FBXW11: variants seen among roughly 807,000 people sequenced by gnomAD.
FBXW11 encodes the protein F-box/WD repeat-containing protein 11.
A neutral mutation model predicts 77.6 loss-of-function variants in FBXW11; 19 were observed. That is an observed-to-expected ratio of 0.24 (90% confidence interval 0.17 to 0.36). The LOEUF (loss-of-function observed/expected upper bound fraction) is 0.36. Among genes scored for constraint, FBXW11 ranks in the 10% least tolerant of loss-of-function variants. The pLI is 1.00. For synonymous variants in FBXW11, 235 were observed against 249.4 expected, an observed-to-expected ratio of 0.94 and a Z score of 0.54; for missense variants, 334 against 704.2, an observed-to-expected ratio of 0.47 and a Z score of 5.95.
intron 1 of FBXW11, among the ~76,000 whole-genome samples, chr5:172,000,727 C>A (rs1009627553): frequency 2.6e-5 from 4 of 152,212 alleles, no homozygotes; most frequent in Non-Finnish European, 5.9e-5. Flanking sequence ...ATCCTCCCAA[C>A]AACTCAGACC....
intron 13 of FBXW11, among the ~76,000 whole-genome samples, chr5:171,866,208 T>TG (rs1757380607): frequency 6.7e-6 from 1 of 150,238 alleles, no homozygotes; most frequent in Admixed American, 6.7e-5. Context: ...GAGGTTGCAG[T>TG]GAGCCAAAAT....
intron 1 of FBXW11, among the ~76,000 whole-genome samples, chr5:172,002,414 ATGTGTGTGTG>A (rs55720474): frequency 3.5e-5 from 5 of 143,980 alleles, no homozygotes; most frequent in Admixed American, 2.8e-4. Context: ...TTTTATATAA[ATGTGTGTGTG>A]TGTGTGTGTG....
chr5:171,926,155 T>A (rs1761877580), intron 2 of FBXW11, among the ~76,000 whole-genome samples: 1 of 152,172 alleles, frequency 6.6e-6, no homozygotes, highest in South Asian at 2.1e-4. Flanking sequence ...ATTTTGAAGT[T>A]AAACTTTAAA....
chr5:171,897,195 A>C (rs1306936325), intron 6 of FBXW11, among the ~76,000 whole-genome samples: 2 of 152,236 alleles, frequency 1.3e-5, no homozygotes, highest in Non-Finnish European at 2.9e-5. Flanking sequence ...GTTAAAAGAG[A>C]AAATGCATTA....
intron 1 of FBXW11, among the ~76,000 whole-genome samples, chr5:171,980,170 T>C (rs536309415): frequency 6.6e-6 from 1 of 152,332 alleles, no homozygotes; most frequent in East Asian, 1.9e-4. Flanking sequence ...CTAGCAGATA[T>C]TTAAGAATGA....
chr5:171,893,394 T>C (rs552105983), intron 6 of FBXW11, among the ~76,000 whole-genome samples: 3 of 64,386 alleles, frequency 4.7e-5, no homozygotes, highest in Non-Finnish European at 5.8e-5. Flanking sequence ...GGTAAAATAT[T>C]AGACATACAA....
chr5:171,950,792 C>T (rs1339093156), intron 2 of FBXW11, among the ~76,000 whole-genome samples: 1 of 152,112 alleles, frequency 6.6e-6, no homozygotes, highest in African/African-American at 2.4e-5. Context: ...GAGGCTGAGG[C>T]AGGAGGATCA....
chr5:171,986,359 C>T (rs968134484), intron 1 of FBXW11, among the ~76,000 whole-genome samples: 1 of 151,944 alleles, frequency 6.6e-6, no homozygotes, highest in African/African-American at 2.4e-5. Context: ...AGTGAGATCA[C>T]ACCATTGTAC....
chr5:171,989,331 GAA>G (rs1765612600), intron 1 of FBXW11, among the ~76,000 whole-genome samples: 1 of 152,224 alleles, frequency 6.6e-6, no homozygotes, highest in South Asian at 2.1e-4. Flanking sequence ...TCTAATAGCA[GAA>G]GAGAAAATTT....
chr5:171,954,778 C>G lies in FBXW11; in HGVS notation c.147+2819G>C, dbSNP rs140760171. 2.2e-4 allele frequency among the ~76,000 whole-genome samples: 34 copies of G among 152,230 alleles called. No homozygotes were observed. In the East Asian group the frequency reaches 6.6e-3, roughly 29 times the overall value. The stretch of plus-strand genomic sequence containing the variant: ...AACTTTTTTTTTCTACAGAATTTGG[C>G]AGGTTTTTCTTTTCTTATTTTCAAA... On this transcript the variant is annotated intron_variant, in intron 2 of 13. Coordinates refer to ENST00000517395, the MANE Select transcript of FBXW11 (RefSeq NM_001378974.1).
chr5:171,979,101 T>C (rs1339968530), intron 1 of FBXW11, among the ~76,000 whole-genome samples: 1 of 152,180 alleles, frequency 6.6e-6, no homozygotes, highest in Non-Finnish European at 1.5e-5. Flanking sequence ...GAGACCATCC[T>C]GTGCAACATA....
chr5:171,894,620 C>A (rs1215727036), intron 6 of FBXW11, among the ~76,000 whole-genome samples: 1 of 151,988 alleles, frequency 6.6e-6, no homozygotes, highest in Admixed American at 6.5e-5. Flanking sequence ...TCAACTACGC[C>A]GGCCTAAAAA....
At chr5:172,001,253 AAC>A (rs1766393886) in intron 1 of FBXW11, among the ~76,000 whole-genome samples, 1 of 152,380 alleles carries the variant, frequency 6.6e-6, no homozygotes. Context: ...AGGGCAATCA[AAC>A]ACAGCCTCTA....
rs10475991 is a variant in FBXW11 at position 171,878,034 on chromosome 5, A to T, written c.948T>A (p.Thr316=). 2 of 1,613,232 alleles carry T rather than the reference A, an allele frequency of 1.2e-6. No homozygotes were observed. Among genetic ancestry groups the T allele is most frequent in the African/African-American group, 2.7e-5 (2 of 74,812 alleles). Reference sequence around the variant, plus strand: ...ACCTCACCGTAGAATCTGAAGAGCCAGTTACAATGACACGCTCATCATACT... The same window carrying T: ...ACCTCACCGTAGAATCTGAAGAGCCTGTTACAATGACACGCTCATCATACT... ...CLQYDERVIV[T]GSSDSTVRVW... Residue 316 remains threonine (T), a synonymous_variant, in exon 8 of 14, where the codon ACT becomes ACA. Transcript: ENST00000517395.
At chr5:171,874,622 C>T (rs1757955158) in intron 9 of FBXW11, among the ~76,000 whole-genome samples, 1 of 152,062 alleles carries the variant, frequency 6.6e-6, no homozygotes, top group Non-Finnish European at 1.5e-5. Context: ...GGAGGTTCTT[C>T]TGAGCAAGCT....
At position 171,878,592 on chromosome 5, in the gene FBXW11, A is replaced by AGAGAGAC. The variant is rs1561640297; in HGVS notation, c.853-464_853-463insGTCTCTC. On this transcript the variant is annotated intron_variant, in intron 7 of 13. Transcript: ENST00000517395. ...TGTGTGTGTGTGTGTGTGTGTGTGTAAGAGAGAGAGAGTGTGTGTGTGTGT... is the reference window on the plus strand; with the variant it reads ...TGTGTGTGTGTGTGTGTGTGTGTGTAGAGAGACAGAGAGAGAGAGTGTGTGTGTGTGT... Among the ~76,000 whole-genome samples, 104 of 133,024 alleles carry AGAGAGAC rather than the reference A, an allele frequency of 7.8e-4. 3 individuals are homozygous for AGAGAGAC. In the East Asian group the frequency reaches 0.012, roughly 15 times the overall value. 87.3% of individuals were successfully genotyped at this position (133,024 alleles called of 152,430 possible).
At chr5:171,911,982 A>G (rs908090492) in intron 3 of FBXW11, among the ~76,000 whole-genome samples, 2 of 152,234 alleles carry the variant, frequency 1.3e-5, no homozygotes, top group Non-Finnish European at 2.9e-5. Context: ...AACACAAAAG[A>G]TAATTCTAAG....
intron 6 of FBXW11, among the ~76,000 whole-genome samples, chr5:171,893,017 T>C (rs1759460574): frequency 6.6e-6 from 1 of 152,232 alleles, no homozygotes; most frequent in African/African-American, 2.4e-5. Context: ...TGCCAGGCAC[T>C]ATGCTTTTCT....
In FBXW11 at chr5:171,936,109, TAAAAAAAAAAAA is replaced by T. The variant is rs61349170; in HGVS notation, c.147+21476_147+21487del. On this transcript the variant is annotated intron_variant, in intron 2 of 13. Transcript: ENST00000517395. ...CTGGGCAGCAGAGCTAGACTCCATC[TAAAAAAAAAAAA>T]AAAAAAAAAAAGAATAAAACAAGTC... Among the ~76,000 whole-genome samples the T allele has an allele frequency of 1.0e-4, 6 of 59,344 alleles. 1 individual carries two copies. Among genetic ancestry groups the T allele is most frequent in the East Asian group, 9.0e-4 (2 of 2,234 alleles). The allele number at this position is 59,344 out of a possible 152,430, so 38.9% of individuals were successfully genotyped here.
Sources: allele counts gnomAD v4.1 joint callset (sites outside exome capture counted in the v4.1 genomes callset), GRCh38; gene constraint gnomAD v4.1.1; transcripts MANE v1.5; gene names NCBI Gene and HGNC (gene_info 2026-07-23, HGNC 2026-07-21).